Variants in KCNN3 observed in about 807,000 individuals in gnomAD.
The protein encoded by KCNN3 is potassium calcium-activated channel subfamily N member 3, also known as small conductance calcium-activated potassium channel protein 3.
KCNN3 carries 16 observed loss-of-function variants against 62.9 expected under a neutral mutation model. The observed-to-expected ratio is 0.25, with a 90% CI of 0.17 to 0.39. The LOEUF is 0.39. Among genes scored for constraint, KCNN3 ranks in the 10% least tolerant of loss-of-function variants. KCNN3 has a pLI of 1.00. For synonymous variants in KCNN3, 370 were observed against 389.2 expected (o/e 0.95, Z 0.58); for missense variants, 599 against 949.4 (o/e 0.63, Z 4.85).
chr1:154,725,571 T>C, intron 5 of KCNN3, among the ~76,000 whole-genome samples: 1 of 149,168 alleles, frequency 6.7e-6, no homozygotes. Context: ...TGAGATGGAA[T>C]CTCTCTCTGT....
chr1:154,717,204 G>C (rs1700250362), intron 5 of KCNN3, among the ~76,000 whole-genome samples: 1 of 152,212 alleles, frequency 6.6e-6, no homozygotes, highest in South Asian at 2.1e-4. Context: ...CCCCATCAGG[G>C]AGGTGCTAAC....
chr1:154,794,970 G>T (rs1414562886), intron 2 of KCNN3, among the ~76,000 whole-genome samples: 2 of 152,148 alleles, frequency 1.3e-5, no homozygotes, highest in East Asian at 3.8e-4. Flanking sequence ...TGTGTAATAA[G>T]GGGGGCTATT....
chr1:154,789,162 G>A (rs993289403), intron 2 of KCNN3, among the ~76,000 whole-genome samples: 1 of 152,048 alleles, frequency 6.6e-6, no homozygotes, highest in Admixed American at 6.6e-5. Context: ...TTCCAGAGAG[G>A]GCCTGCCTTC....
intron 3 of KCNN3, chr1:154,736,925 C>T (rs981781459): frequency 6.1e-5 from 41 of 669,096 alleles, no homozygotes; most frequent in Middle Eastern, 7.3e-4. Flanking sequence ...TGTTTGTCAG[C>T]CTTCAGTGAT....
intron 3 of KCNN3, among the ~76,000 whole-genome samples, chr1:154,756,160 A>AAGAAGAAG (rs57054757): frequency 0.25 from 28,773 of 117,266 alleles, 4,136 homozygotes; most frequent in Middle Eastern, 0.3. Context: ...GAAGGAGGAG[A>AAGAAGAAG]AGAAGAAGAG....
intron 1 of KCNN3, among the ~76,000 whole-genome samples, chr1:154,827,369 C>G (rs75462169): frequency 1.3e-5 from 2 of 152,202 alleles, no homozygotes; most frequent in African/African-American, 4.8e-5. Context: ...GCTTCTTTCC[C>G]TCCACATCAG....
At chr1:154,797,426 G>A (rs1437482720) in intron 2 of KCNN3, among the ~76,000 whole-genome samples, 1 of 152,204 alleles carries the variant, frequency 6.6e-6, no homozygotes, top group Non-Finnish European at 1.5e-5. Flanking sequence ...GCGAAAGGAA[G>A]TATTAATAGA....
intron 3 of KCNN3, among the ~76,000 whole-genome samples, chr1:154,739,808 G>A (rs1245033860): frequency 6.6e-6 from 1 of 152,236 alleles, no homozygotes; most frequent in Admixed American, 6.5e-5. Flanking sequence ...GCAAGCCCGT[G>A]GAGTGCCACA....
intron 1 of KCNN3, among the ~76,000 whole-genome samples, chr1:154,850,015 C>T (rs1201948492): frequency 6.6e-6 from 1 of 152,186 alleles, no homozygotes; most frequent in Non-Finnish European, 1.5e-5. Flanking sequence ...GGAGGGGACC[C>T]CCCACTGTTC....
intron 1 of KCNN3, among the ~76,000 whole-genome samples, chr1:154,864,463 T>A (rs920069242): frequency 3.3e-5 from 5 of 152,232 alleles, no homozygotes; most frequent in Admixed American, 1.3e-4. Context: ...GTGATACTAC[T>A]CAATCATTTG....
At chr1:154,747,712 T>C (rs1197371046) in intron 3 of KCNN3, among the ~76,000 whole-genome samples, 4 of 152,120 alleles carry the variant, frequency 2.6e-5, no homozygotes, top group African/African-American at 4.8e-5. Context: ...AACAAGTACA[T>C]AAATAAGGTT....
chr1:154,822,013 G>A (rs993469288), intron 2 of KCNN3, 76 bp downstream of exon 2: 1 of 1,061,114 alleles, frequency 9.4e-7, no homozygotes, highest in African/African-American at 1.6e-5. Context: ...TGGGTTTTGG[G>A]GGTGGGGATG....
chr1:154,772,435 A>G lies in KCNN3; in HGVS notation c.1030-42T>C. 6.2e-7 allele frequency: 1 copy of G among 1,604,788 alleles called. No individual in the cohort carries two copies. Among genetic ancestry groups the G allele is most frequent in the Non-Finnish European group, 8.5e-7 (1 of 1,173,882 alleles). ...GTCCATTAGTGTGGCCAGGACCAGG[A>G]AGCCCACAGCAGGGTCCAGGCAGGA... On this transcript the variant is annotated intron_variant, in intron 2 of 7. Transcript: ENST00000271915. The surrounding 1 kb of genome is among the most constrained non-coding windows in gnomAD (Gnocchi z 5.6).
At chr1:154,840,969 C>T (rs1651799648) in intron 1 of KCNN3, among the ~76,000 whole-genome samples, 1 of 152,254 alleles carries the variant, frequency 6.6e-6, no homozygotes, top group Non-Finnish European at 1.5e-5. Flanking sequence ...TTGTGGGAAC[C>T]AGCATTTCCA....
At chr1:154,796,937 GA>G (rs1336302593) in intron 2 of KCNN3, among the ~76,000 whole-genome samples, 1 of 152,220 alleles carries the variant, frequency 6.6e-6, no homozygotes, top group Non-Finnish European at 1.5e-5. Flanking sequence ...AGGCGTTTGG[GA>G]TCTAGGACTT....
At chr1:154,817,625 A>G (rs951017812) in intron 2 of KCNN3, among the ~76,000 whole-genome samples, 3 of 152,238 alleles carry the variant, frequency 2.0e-5, no homozygotes, top group Admixed American at 1.3e-4. Context: ...TGAAGTCTAC[A>G]TTCTCAGTAG....
chr1:154,866,407 C>T (rs139998867), intron 1 of KCNN3, among the ~76,000 whole-genome samples: 2 of 152,302 alleles, frequency 1.3e-5, no homozygotes, highest in East Asian at 3.9e-4. Flanking sequence ...CCCTACTCGA[C>T]AGCTGGGGAA....
intron 1 of KCNN3, among the ~76,000 whole-genome samples, chr1:154,837,743 G>T (rs1273295497): frequency 2.6e-5 from 4 of 152,232 alleles, no homozygotes; most frequent in African/African-American, 9.6e-5. Context: ...AAAGGAAAAA[G>T]CTCACACCAG....
chr1:154,850,170 C>G (rs1452609340), intron 1 of KCNN3, among the ~76,000 whole-genome samples: 1 of 152,196 alleles, frequency 6.6e-6, no homozygotes, highest in African/African-American at 2.4e-5. Context: ...CACAGGCATT[C>G]CTTATGTTGG....
Sources: gnomAD v4.1 joint callset for allele counts (sites outside exome capture counted in the v4.1 genomes callset) on GRCh38, gnomAD v4.1.1 for gene constraint, Gnocchi (gnomAD v3.1) non-coding constraint, MANE v1.5 for transcripts, NCBI Gene and HGNC (gene_info 2026-07-23, HGNC 2026-07-21) for gene names.